The following NFKBIE variants were observed in gnomAD, a reference collection of about 807,000 sequenced individuals.
NFKBIE encodes the protein NF-kappa-B inhibitor epsilon.
In NFKBIE, 11 loss-of-function variants were observed where a neutral mutation model predicts 31.6. The observed-to-expected ratio is 0.35, with a 90% CI of 0.22 to 0.58. The LOEUF (loss-of-function observed/expected upper bound fraction) is 0.58, where lower values mean the gene tolerates loss of function less well. NFKBIE is among the 20% of genes least tolerant of loss of function. The pLI is 0.83. For missense variants in NFKBIE, 354 were observed against 465.7 expected (o/e 0.76, Z 2.21); for synonymous variants, 208 against 210.1 (o/e 0.99, Z 0.09).
chr6:44,260,929 G>A lies in NFKBIE; in HGVS notation c.692-390C>T, dbSNP rs1349834863. ...GCCCAGTCTGAAAGCCACCTTTTCT[G>A]AAAAGCCACCTAAGATCCTCATGCC... On this transcript the variant is annotated intron_variant, in intron 3 of 5. Coordinates refer to ENST00000619360, the MANE Select transcript of NFKBIE (RefSeq NM_004556.3). This position sits in a 1 kb window ranked among gnomAD's most constrained non-coding sequence, Gnocchi z 5.5. Among the ~76,000 whole-genome samples, 3 of 149,902 alleles carry A rather than the reference G, an allele frequency of 2.0e-5. No homozygotes were observed. The highest frequency in any genetic ancestry group is 2.1e-4 in the South Asian group (1 of 4,710).
intron 1 of NFKBIE, among the ~76,000 whole-genome samples, chr6:44,264,398 T>G (rs1782037185): frequency 6.6e-6 from 1 of 152,218 alleles, no homozygotes. Context: ...ACGCTGACTC[T>G]AGCCCTCACT....
In NFKBIE at chr6:44,261,907, A is replaced by G. The variant is rs2153332328; in HGVS notation, c.469-59T>C. ...GCAGCATGCTCCCACCTCTGGGAAC[A>G]TGCTTGGGCTCAAGAATCACCAGCT... On this transcript the variant is annotated intron_variant, in intron 2 of 5. Transcript: ENST00000619360. This position sits in a 1 kb window ranked among gnomAD's most constrained non-coding sequence, Gnocchi z 4.3. The G allele has an allele frequency of 6.8e-7, 1 of 1,470,454 alleles. No individual in the cohort carries two copies. Among genetic ancestry groups the G allele is most frequent in the Non-Finnish European group, 9.3e-7 (1 of 1,079,692 alleles). The allele number at this position is 1,470,454 out of a possible 1,614,324, so 91.1% of individuals were successfully genotyped here.
chr6:44,259,718 T>C (rs984148889), intron 5 of NFKBIE, among the ~76,000 whole-genome samples: 1 of 152,214 alleles, frequency 6.6e-6, no homozygotes, highest in Non-Finnish European at 1.5e-5. Flanking sequence ...AAACTGGGCC[T>C]ACACTCCTGC....
rs1159627888 is a variant in NFKBIE at position 44,265,256 on chromosome 6, C to T, written c.91G>A (p.Glu31Lys). The change falls in exon 1 of 6, where the codon GAG becomes AAG. Residue 31 changes from glutamate (E) to lysine (K), a missense_variant. Glu to Lys is a moderately conservative substitution (Grantham distance 56). Around this residue, in one of 2 missense-constraint regions of NFKBIE, gnomAD observed 171 missense variants for 155.1 expected, o/e 1.10. Coordinates refer to ENST00000619360, the MANE Select transcript of NFKBIE (RefSeq NM_004556.3). The part of the protein sequence containing the change: ...ESLRSLRSLP[E>K]STSAPASGPS... ...CCGGAGGCTGGAGCCGAGGTGGACT[C>T]GGGTAGGGAGCGCAGAGAGCGCAGA... 6.4e-7 allele frequency: 1 copy of T among 1,552,638 alleles called. No individual in the cohort carries two copies. The highest frequency in any genetic ancestry group is 8.7e-7 in the Non-Finnish European group (1 of 1,147,934).
rs2153331241 is a variant in NFKBIE at position 44,260,008 on chromosome 6, G to A, written c.1020+35C>T. 1.2e-6 allele frequency: 2 copies of A among 1,600,812 alleles called. No individual in the cohort carries two copies. Among genetic ancestry groups the A allele is most frequent in the Middle Eastern group, 3.3e-4 (2 of 6,006 alleles). On this transcript the variant is annotated intron_variant, in intron 5 of 5. Transcript: ENST00000619360. The surrounding 1 kb of genome is among the most constrained non-coding windows in gnomAD (Gnocchi z 5.5). ...CAGAACCTCTCTCTGCTATGGGTGT[G>A]CAAGGCCCTGGAGAGCAAAGCATAT...
rs369211658 is a variant in NFKBIE, at chr6:44,261,623, C to T, written c.691+3G>A. 3.7e-6 allele frequency: 6 copies of T among 1,613,982 alleles called. No homozygotes were observed. Among genetic ancestry groups the T allele is most frequent in the Middle Eastern group, 1.6e-4 (1 of 6,084 alleles). ...TAAGGGCAGTCTTAAAGACTGTCCA[C>T]ACCTTGCCAGTTTTGCAGCTGGAGG... On this transcript the variant is annotated splice_donor_region_variant and intron_variant, in intron 3 of 5. Coordinates refer to ENST00000619360, the MANE Select transcript of NFKBIE (RefSeq NM_004556.3). This position sits in a 1 kb window ranked among gnomAD's most constrained non-coding sequence, Gnocchi z 4.3.
chr6:44,265,044 G>C lies in NFKBIE; in HGVS notation c.303C>G (p.His101Gln). The C allele has an allele frequency of 1.3e-6, 2 of 1,584,044 alleles. No homozygotes were observed. Among genetic ancestry groups the C allele is most frequent in the Non-Finnish European group, 1.7e-6 (2 of 1,165,148 alleles). ...GCTGCTGAGGGCTCAGCGCCCCCACGTGGGGGAGTGGCAGGCGTGGGGCCG... is the reference window on the plus strand; with the variant it reads ...GCTGCTGAGGGCTCAGCGCCCCCACCTGGGGGAGTGGCAGGCGTGGGGCCG... ...EDPAPRLPLP[H>Q]VGALSPQQLE... The change falls in exon 1 of 6, where the codon CAC (histidine) becomes CAG (glutamine). Residue 101 changes from histidine to glutamine, a missense_variant. Coordinates refer to ENST00000619360, the MANE Select transcript of NFKBIE (RefSeq NM_004556.3).
At chr6:44,264,179 C>T (rs1782028608) in intron 1 of NFKBIE, among the ~76,000 whole-genome samples, 1 of 152,220 alleles carries the variant, frequency 6.6e-6, no homozygotes, top group African/African-American at 2.4e-5. Context: ...CAGTTCCCAA[C>T]CTTTCCCTCC....
chr6:44,260,715 A>G lies in NFKBIE; in HGVS notation c.692-176T>C, dbSNP rs3799962. 0.36 allele frequency among the ~76,000 whole-genome samples: 55,041 copies of G among 151,812 alleles called. 11,580 individuals carry two copies. The highest frequency in any genetic ancestry group is 0.52 in the Admixed American group (7,942 of 15,240). On this transcript the variant is annotated intron_variant, in intron 3 of 5. Transcript: ENST00000619360. This position sits in a 1 kb window ranked among gnomAD's most constrained non-coding sequence, Gnocchi z 5.5. Reference sequence around the variant, plus strand: ...CCCCTCAAAAGTCTAAGGGGAAAGGAACTCAAAGTTTCCACCTTTTCAGAG... The same window carrying G: ...CCCCTCAAAAGTCTAAGGGGAAAGGGACTCAAAGTTTCCACCTTTTCAGAG...
In NFKBIE at chr6:44,265,209, C is replaced by T. The variant is rs1467885993; in HGVS notation, c.138G>A (p.Gln46=). The part of the protein sequence containing the change: ...PASGPSDGSP[Q]PCTHPPGPVK... ...CGGGTCCCGGAGGATGGGTGCAGGGCTGGGGGCTGCCGTCCGAGGGCCCGG... is the reference window on the plus strand; with the variant it reads ...CGGGTCCCGGAGGATGGGTGCAGGGTTGGGGGCTGCCGTCCGAGGGCCCGG... The change falls in exon 1 of 6, where the codon CAG becomes CAA. Residue 46 remains glutamine (Q), a synonymous_variant. Transcript: ENST00000619360. 6.4e-7 allele frequency: 1 copy of T among 1,552,004 alleles called. No individual in the cohort carries two copies. Among genetic ancestry groups the T allele is most frequent in the Non-Finnish European group, 8.7e-7 (1 of 1,147,204 alleles).
Position 44,261,989 on chromosome 6 carries a change from A to G in NFKBIE, c.469-141T>C. The G allele has an allele frequency of 1.3e-6, 1 of 778,020 alleles. No homozygotes were observed. The highest frequency in any genetic ancestry group is 2.1e-6 in the Non-Finnish European group (1 of 486,594). The allele number at this position is 778,020 out of a possible 1,614,324, so 48.2% of individuals were successfully genotyped here. ...GGCCATAACCTGTTCTTCCAAGGAA[A>G]TACTACCGAGCCCTTCCCCTGTCAC... On this transcript the variant is annotated intron_variant, in intron 2 of 5. Transcript: ENST00000619360. The surrounding 1 kb of genome is among the most constrained non-coding windows in gnomAD (Gnocchi z 4.3).
chr6:44,264,994 T>C lies in NFKBIE; in HGVS notation c.353A>G (p.Glu118Gly). 2.5e-6 allele frequency: 4 copies of C among 1,573,902 alleles called. No homozygotes were observed. Among genetic ancestry groups the C allele is most frequent in the Non-Finnish European group, 3.4e-6 (4 of 1,159,636 alleles). ...QQLEALTYISEDGDTLVHLAV... is the reference protein window; with the variant it reads ...QQLEALTYISGDGDTLVHLAV... The stretch of plus-strand genomic sequence containing the variant: ...CCCCCATACTCACGTGTCTCCGTCC[T>C]CGGAGATGTAAGTGAGTGCTTCCAG... Residue 118 changes from glutamate to glycine, a missense_variant, in exon 1 of 6, where the codon GAG (glutamate) becomes GGG (glycine). By Grantham distance (98) the Glu-to-Gly change is moderately conservative (BLOSUM62 -2). This residue lies in a region of NFKBIE where 171 missense variants were observed against 155.1 expected (regional missense o/e 1.10). Transcript: ENST00000619360.
At chr6:44,259,555 T>C (rs1781816561) in intron 5 of NFKBIE, among the ~76,000 whole-genome samples, 1 of 138,850 alleles carries the variant, frequency 7.2e-6, no homozygotes, top group African/African-American at 2.6e-5. Context: ...CCCATGGACC[T>C]GGAGTTGTTT....
In NFKBIE at chr6:44,261,227, A is replaced by G. The variant is rs1291193198; in HGVS notation, c.691+399T>C. Among the ~76,000 whole-genome samples, 1 of 152,126 alleles carries G rather than the reference A, an allele frequency of 6.6e-6. No homozygotes were observed. Among genetic ancestry groups the G allele is most frequent in the Non-Finnish European group, 1.5e-5 (1 of 68,018 alleles). ...ACTACAGCACTTACTTCCTTTTAACATATTACATAGTTCACTTCTTACATT... is the reference window on the plus strand; with the variant it reads ...ACTACAGCACTTACTTCCTTTTAACGTATTACATAGTTCACTTCTTACATT... On this transcript the variant is annotated intron_variant, in intron 3 of 5. Transcript: ENST00000619360. The surrounding 1 kb of genome is among the most constrained non-coding windows in gnomAD (Gnocchi z 4.3).
In NFKBIE at chr6:44,261,827, G is replaced by A. The variant is rs375743668; in HGVS notation, c.490C>T (p.His164Tyr). Residue 164 changes from histidine to tyrosine, a missense_variant, in exon 3 of 6, where the codon CAT becomes TAT. His to Tyr is a moderately conservative substitution (Grantham distance 83). Around this residue, in one of 2 missense-constraint regions of NFKBIE, gnomAD observed 183 missense variants for 310.6 expected, o/e 0.59. Coordinates refer to ENST00000619360, the MANE Select transcript of NFKBIE (RefSeq NM_004556.3). This position sits in a 1 kb window ranked among gnomAD's most constrained non-coding sequence, Gnocchi z 4.3. ...CGAACTGCGCCCGGTTGGTCCAGAT[G>A]TACAGCCAGATGGAGTGCTGTCTGG... is the stretch of plus-strand genomic sequence containing the variant. ...LYQTALHLAVHLDQPGAVRAL... is the reference protein window; with the variant it reads ...LYQTALHLAVYLDQPGAVRAL... The A allele has an allele frequency of 1.9e-6, 3 of 1,611,130 alleles. No homozygotes were observed. The highest frequency in any genetic ancestry group is 2.2e-5 in the East Asian group (1 of 44,882).
Position 44,259,129 on chromosome 6 carries a change from G to T in NFKBIE, c.*90C>A. On this transcript the variant is annotated 3_prime_UTR_variant, in exon 6 of 6. Coordinates refer to ENST00000619360, the MANE Select transcript of NFKBIE (RefSeq NM_004556.3). ...CAGCAGTCCCTAGGGCACCAGAAGA[G>T]CACATAGCCTGGGCCCAAACTGCAG... 1 of 1,374,268 alleles carries T rather than the reference G, an allele frequency of 7.3e-7. No homozygotes were observed. The highest frequency in any genetic ancestry group is 1.2e-5 in the South Asian group (1 of 85,868). The allele number at this position is 1,374,268 out of a possible 1,614,324, so 85.1% of individuals were successfully genotyped here.
At position 44,265,188 on chromosome 6, in the gene NFKBIE, T is replaced by A; in HGVS notation, c.159A>T (p.Gly53=). ...CCTTCTCCTGTGGTTCCTTGACGGG[T>A]CCCGGAGGATGGGTGCAGGGCTGGG... ...GSPQPCTHPP[G]PVKEPQEKED... is the part of the protein sequence containing the mutation. Residue 53 remains glycine (G), a synonymous_variant, in exon 1 of 6, where the codon GGA becomes GGT. Transcript: ENST00000619360. 1 of 1,551,698 alleles carries A rather than the reference T, an allele frequency of 6.4e-7. No homozygotes were observed. Among genetic ancestry groups the A allele is most frequent in the South Asian group, 1.2e-5 (1 of 84,056 alleles).
At chr6:44,264,267 A>T (rs1583010036) in intron 1 of NFKBIE, among the ~76,000 whole-genome samples, 1 of 152,108 alleles carries the variant, frequency 6.6e-6, no homozygotes, top group East Asian at 1.9e-4. Context: ...CTTTTACTTC[A>T]ACTGCCCTCT....
chr6:44,259,551 G>A (rs1350250639), intron 5 of NFKBIE, among the ~76,000 whole-genome samples: 1 of 145,618 alleles, frequency 6.9e-6, no homozygotes. Flanking sequence ...CCAGCCCATG[G>A]ACCTGGAGTT....
Sources: allele counts gnomAD v4.1 joint callset (sites outside exome capture counted in the v4.1 genomes callset), GRCh38; gene constraint gnomAD v4.1.1; regional missense constraint gnomAD v4.1.1; non-coding constraint Gnocchi (gnomAD v3.1); transcripts MANE v1.5; gene names NCBI Gene and HGNC (gene_info 2026-07-23, HGNC 2026-07-21).